The following BTLA variants were observed in gnomAD, a reference collection of about 807,000 sequenced individuals.
BTLA encodes the protein B- and T-lymphocyte attenuator.
Under a neutral mutation model 25.0 loss-of-function variants are expected in BTLA, and 11 were observed. That is an observed-to-expected ratio of 0.44 (90% CI 0.28 to 0.73). The LOEUF is 0.73. BTLA is among the 30% of genes least tolerant of loss of function. BTLA has a pLI of 0.15. For missense variants in BTLA, 282 were observed against 332.8 expected, an observed-to-expected ratio of 0.85 and a Z score of 1.19; for synonymous variants, 104 against 119.8, an observed-to-expected ratio of 0.87 and a Z score of 0.86.
intron 4 of BTLA, 151 bp downstream of exon 4, chr3:112,469,607 G>GTATATATATATATATATATA (rs60258722): frequency 8.6e-5 from 5 of 58,354 alleles, no homozygotes; most frequent in Admixed American, 2.2e-4. Flanking sequence ...ATGGGTCTAT[G>GTATATATATATATATATATA]TATATATATA....
Position 112,487,482 on chromosome 3 carries a change from G to T in BTLA, c.89-7713C>A, listed in dbSNP as rs552764878. Among the ~76,000 whole-genome samples the T allele has an allele frequency of 1.3e-3, 201 of 152,246 alleles. 1 individual carries two copies. Among genetic ancestry groups the T allele is most frequent in the Non-Finnish European group, 2.0e-3 (138 of 68,018 alleles). On this transcript the variant is annotated intron_variant, in intron 1 of 4. Coordinates refer to ENST00000334529, the MANE Select transcript of BTLA (RefSeq NM_181780.4). Reference sequence around the variant, plus strand: ...TGCCTGTAATCCCAGCTACTCAGGAGGCTGAGGCAGGAGAATAGCTTGAAC... The same window carrying T: ...TGCCTGTAATCCCAGCTACTCAGGATGCTGAGGCAGGAGAATAGCTTGAAC...
Position 112,468,536 on chromosome 3 carries a change from A to G in BTLA, c.594+1222T>C, listed in dbSNP as rs74384974. Among the ~76,000 whole-genome samples the G allele has an allele frequency of 9.8e-3, 1,493 of 152,316 alleles. 54 individuals are homozygous for G. The highest frequency in any genetic ancestry group is 0.059 in the East Asian group (304 of 5,186). On this transcript the variant is annotated intron_variant, in intron 4 of 4. Transcript: ENST00000334529. ...TAAAACAAACTTCCCAGACAATTGC[A>G]CATACAGAAAATACCCTTTTGAATT...
Position 112,479,611 on chromosome 3 carries a change from C to G in BTLA, c.247G>C (p.Glu83Gln), listed in dbSNP as rs1164288424. 2 of 1,614,086 alleles carry G rather than the reference C, an allele frequency of 1.2e-6. No homozygotes were observed. Among genetic ancestry groups the G allele is most frequent in the African/African-American group, 2.7e-5 (2 of 75,038 alleles). ...TCCTTCCAACTTGTTTGTCTATCTT[C>G]AAGTTTTACACATGTTGTTCCATTG... ...KLNGTTCVKL[E>Q]DRQTSWKEEK... Residue 83 changes from glutamate to glutamine, a missense_variant, in exon 2 of 5, where the codon GAA (glutamate) becomes CAA (glutamine). Physicochemically the swap from Glu to Gln is conservative, Grantham distance 29. This residue lies in a region of BTLA where 163 missense variants were observed against 230.4 expected (regional missense o/e 0.71). Coordinates refer to ENST00000334529, the MANE Select transcript of BTLA (RefSeq NM_181780.4).
At chr3:112,473,781 A>G (rs771440754) in intron 2 of BTLA, among the ~76,000 whole-genome samples, 8 of 151,260 alleles carry the variant, frequency 5.3e-5, no homozygotes, top group Non-Finnish European at 1.0e-4. Context: ...TGCCCAGTTT[A>G]TTTTTTGTAT....
intron 1 of BTLA, among the ~76,000 whole-genome samples, chr3:112,481,343 A>G (rs577084452): frequency 2.0e-5 from 3 of 152,350 alleles, no homozygotes; most frequent in Non-Finnish European, 4.4e-5. Context: ...ACATGGAGGA[A>G]GTTGTGTTCC....
intron 1 of BTLA, among the ~76,000 whole-genome samples, chr3:112,491,215 T>A (rs2082378230): frequency 6.6e-6 from 1 of 152,152 alleles, no homozygotes; most frequent in African/African-American, 2.4e-5. Flanking sequence ...CAATGGAAAG[T>A]TTAAGTTACA....
chr3:112,482,782 A>G (rs769140101), intron 1 of BTLA, among the ~76,000 whole-genome samples: 36 of 152,222 alleles, frequency 2.4e-4, no homozygotes, highest in Admixed American at 4.6e-4. Flanking sequence ...AAGGTAAGTT[A>G]TAAGGATGAG....
Position 112,468,377 on chromosome 3 carries a change from C to T in BTLA, c.594+1381G>A, listed in dbSNP as rs1004289693. 2.0e-5 allele frequency among the ~76,000 whole-genome samples: 3 copies of T among 152,116 alleles called. No individual in the cohort carries two copies. In the East Asian group the frequency reaches 5.8e-4, roughly 29 times the overall value. On this transcript the variant is annotated intron_variant, in intron 4 of 4. Coordinates refer to ENST00000334529, the MANE Select transcript of BTLA (RefSeq NM_181780.4). ...TCTGTACTTTGATTTCTCCACAGTTCCCAAACTAGTTTTATGTTAAGAAAT... is the reference window on the plus strand; with the variant it reads ...TCTGTACTTTGATTTCTCCACAGTTTCCAAACTAGTTTTATGTTAAGAAAT...
chr3:112,472,585 A>G (rs1234134885), intron 2 of BTLA, among the ~76,000 whole-genome samples: 2 of 152,014 alleles, frequency 1.3e-5, no homozygotes, highest in Non-Finnish European at 2.9e-5. Context: ...TCCCAGGTAC[A>G]TGGGAGGCTG....
At chr3:112,487,046 C>T (rs1208641527) in intron 1 of BTLA, among the ~76,000 whole-genome samples, 2 of 152,142 alleles carry the variant, frequency 1.3e-5, no homozygotes, top group African/African-American at 2.4e-5. Flanking sequence ...TCAAAATGAA[C>T]ACAAGTAGCT....
intron 1 of BTLA, among the ~76,000 whole-genome samples, chr3:112,485,498 A>G (rs897148810): frequency 3.3e-5 from 5 of 152,218 alleles, no homozygotes; most frequent in Admixed American, 2.6e-4. Context: ...CCCGAAGAGG[A>G]ATAACTATCA....
chr3:112,497,347 AAAGAG>A (rs927671642), intron 1 of BTLA, among the ~76,000 whole-genome samples: 13 of 152,182 alleles, frequency 8.5e-5, no homozygotes, highest in African/African-American at 2.2e-4. Flanking sequence ...TGAGGAAACT[AAAGAG>A]AAGAGAAGAG....
intron 1 of BTLA, among the ~76,000 whole-genome samples, chr3:112,485,334 C>T (rs754116441): frequency 2.6e-5 from 4 of 152,124 alleles, no homozygotes; most frequent in Non-Finnish European, 4.4e-5. Context: ...AGTGAGCCAC[C>T]GGCCTGGCCG....
chr3:112,492,158 A>G (rs1464777529), intron 1 of BTLA, among the ~76,000 whole-genome samples: 1 of 152,212 alleles, frequency 6.6e-6, no homozygotes, highest in Non-Finnish European at 1.5e-5. Flanking sequence ...ATTCATATGC[A>G]TTGCACTCCT....
rs374827248 is a variant in BTLA at position 112,499,240 on chromosome 3, A to G, written c.88+31T>C. On this transcript the variant is annotated intron_variant, in intron 1 of 4. Coordinates refer to ENST00000334529, the MANE Select transcript of BTLA (RefSeq NM_181780.4). ...TGCCTCCAAGACCCCCTGAGAAATAAAACCAGAAATAACCTAAGCAGGTGC... is the reference window on the plus strand; with the variant it reads ...TGCCTCCAAGACCCCCTGAGAAATAGAACCAGAAATAACCTAAGCAGGTGC... 1.2e-5 allele frequency: 18 copies of G among 1,494,858 alleles called. No homozygotes were observed. The African/African-American group carries it at 2.5e-4, about 21-fold the overall frequency. 92.6% of individuals were successfully genotyped at this position (1,494,858 alleles called of 1,614,324 possible).
intron 4 of BTLA, among the ~76,000 whole-genome samples, chr3:112,468,712 T>G (rs1257158609): frequency 6.6e-6 from 1 of 152,184 alleles, no homozygotes; most frequent in African/African-American, 2.4e-5. Flanking sequence ...AGTGAAATTT[T>G]TATTATTATT....
At chr3:112,499,583 G>T, upstream of BTLA, 4 of 446,654 alleles carry the variant, frequency 9.0e-6, no homozygotes. Context: ...CTGTTCTGTG[G>T]TTTTTGCTTC....
intron 1 of BTLA, among the ~76,000 whole-genome samples, chr3:112,488,067 T>G (rs1323380478): frequency 6.6e-6 from 1 of 151,922 alleles, no homozygotes; most frequent in Non-Finnish European, 1.5e-5. Flanking sequence ...ATGTCTTCCA[T>G]ATTTGTTTCC....
intron 2 of BTLA, among the ~76,000 whole-genome samples, chr3:112,477,567 C>A (rs1333996789): frequency 6.6e-6 from 1 of 151,866 alleles, no homozygotes; most frequent in African/African-American, 2.4e-5. Context: ...ATTTTAGTAT[C>A]TTTTGATGCA....
Sources: gnomAD v4.1 joint callset for allele counts (sites outside exome capture counted in the v4.1 genomes callset) on GRCh38, gnomAD v4.1.1 for gene constraint, gnomAD v4.1.1 regional missense constraint, MANE v1.5 for transcripts, NCBI Gene and HGNC (gene_info 2026-07-23, HGNC 2026-07-21) for gene names.